The following STPG2 variants were observed in gnomAD, a reference collection of about 807,000 sequenced individuals.
STPG2 encodes the protein sperm-tail PG-rich repeat-containing protein 2.
A neutral mutation model predicts 54.2 loss-of-function variants in STPG2; 56 were observed. The observed-to-expected ratio is 1.03, with a 90% confidence interval of 0.83 to 1.29. The LOEUF is 1.29. STPG2 is among the 50% of genes most tolerant of loss of function. The probability of loss-of-function intolerance (pLI) is 0.00; values close to 1 mark genes in which losing one functional copy is unlikely to be tolerated. For missense variants in STPG2, 596 were observed against 544.9 expected (o/e 1.09, Z -0.93); for synonymous variants, 200 against 181.8 (o/e 1.10, Z -0.81).
At chr4:97,716,051 A>T (rs1290563006) in intron 9 of STPG2, among the ~76,000 whole-genome samples, 1 of 152,222 alleles carries the variant, frequency 6.6e-6, no homozygotes. Flanking sequence ...GACACTTCTC[A>T]AAAGAAGACA....
intron 6 of STPG2, among the ~76,000 whole-genome samples, chr4:97,980,703 T>G (rs1213940555): frequency 6.6e-6 from 1 of 152,210 alleles, no homozygotes; most frequent in Admixed American, 6.5e-5. Flanking sequence ...GAACTGTATG[T>G]CAGCAATTTT....
intron 2 of STPG2, among the ~76,000 whole-genome samples, chr4:98,130,806 C>A (rs1251783326): frequency 1.3e-5 from 2 of 151,224 alleles, no homozygotes; most frequent in Non-Finnish European, 2.9e-5. Context: ...CCTGTAGTCC[C>A]AGCTACTCAA....
rs370582221 is a variant in STPG2 at position 97,856,435 on chromosome 4, G to A, written c.1045-15503C>T. Among the ~76,000 whole-genome samples the A allele has an allele frequency of 2.5e-4, 38 of 152,228 alleles. 1 individual carries two copies. The South Asian group carries it at 7.5e-3, about 30-fold the overall frequency. Reference sequence around the variant, plus strand: ...CCCTTTGTAACAATTGTGAATAGGAGCTTACACATGATTTGGCTCTCAGCT... The same window carrying A: ...CCCTTTGTAACAATTGTGAATAGGAACTTACACATGATTTGGCTCTCAGCT... On this transcript the variant is annotated intron_variant, in intron 8 of 10. Transcript: ENST00000295268.
At chr4:97,611,772 G>T (rs1733735225) in intron 10 of STPG2, among the ~76,000 whole-genome samples, 2 of 151,452 alleles carry the variant, frequency 1.3e-5, no homozygotes, top group Admixed American at 1.3e-4. Flanking sequence ...TTACCAAAAA[G>T]AAAATTAATT....
intron 10 of STPG2, among the ~76,000 whole-genome samples, chr4:97,695,952 G>C (rs1723557139): frequency 1.3e-5 from 2 of 151,902 alleles, no homozygotes; most frequent in Admixed American, 1.3e-4. Flanking sequence ...ATTCAATGCA[G>C]TTCCCATCAA....
At chr4:97,918,160 GAGAA>G (rs150609723) in intron 8 of STPG2, among the ~76,000 whole-genome samples, 9,239 of 152,168 alleles carry the variant, frequency 0.061, 361 homozygotes, top group Admixed American at 0.12. Context: ...TTATTAGACT[GAGAA>G]AGAAAAATTA....
intron 5 of STPG2, among the ~76,000 whole-genome samples, chr4:98,102,294 C>T (rs1033619342): frequency 6.6e-6 from 1 of 152,138 alleles, no homozygotes; most frequent in African/African-American, 2.4e-5. Context: ...TGGCCTGTAA[C>T]CCACATCCAG....
intron 10 of STPG2, among the ~76,000 whole-genome samples, chr4:97,690,946 A>G (rs2148988348): frequency 6.6e-6 from 1 of 152,320 alleles, no homozygotes; most frequent in East Asian, 1.9e-4. Flanking sequence ...CTAGGTCAAT[A>G]TCAATGACAG....
chr4:97,494,971 AT>A (rs1730576781), intron 4 of STPG2, among the ~76,000 whole-genome samples: 1 of 151,724 alleles, frequency 6.6e-6, no homozygotes, highest in African/African-American at 2.4e-5. Context: ...AAAAGAAAAA[AT>A]GATAATGTAA....
intron 8 of STPG2, among the ~76,000 whole-genome samples, chr4:97,938,080 G>A (rs1431650568): frequency 1.3e-5 from 2 of 152,254 alleles, no homozygotes; most frequent in East Asian, 3.9e-4. Flanking sequence ...CTAAGCCCCC[G>A]GCTGGAGTTG....
At chr4:98,021,504 G>T (rs1736191806) in intron 5 of STPG2, among the ~76,000 whole-genome samples, 1 of 152,072 alleles carries the variant, frequency 6.6e-6, no homozygotes, top group Admixed American at 6.6e-5. Flanking sequence ...TTGATTTGGG[G>T]TGGAGAGTTC....
chr4:97,496,237 A>G (rs1299953645), intron 4 of STPG2, among the ~76,000 whole-genome samples: 1 of 151,718 alleles, frequency 6.6e-6, no homozygotes, highest in Non-Finnish European at 1.5e-5. Context: ...AATAGCAAAA[A>G]TAACTTGCAA....
At chr4:98,114,136 AAAC>A (rs1739441090) in intron 3 of STPG2, among the ~76,000 whole-genome samples, 1 of 152,098 alleles carries the variant, frequency 6.6e-6, no homozygotes, top group Admixed American at 6.6e-5. Flanking sequence ...GAACCTAGCC[AAAC>A]AACACTTTCT....
At chr4:97,925,400 A>G (rs1306319620) in intron 8 of STPG2, among the ~76,000 whole-genome samples, 3 of 152,206 alleles carry the variant, frequency 2.0e-5, no homozygotes, top group Non-Finnish European at 4.4e-5. Flanking sequence ...AATTTATAAA[A>G]AGTTTAAAAT....
At chr4:98,123,497 T>A (rs1739743327) in intron 3 of STPG2, among the ~76,000 whole-genome samples, 1 of 152,186 alleles carries the variant, frequency 6.6e-6, no homozygotes, top group Non-Finnish European at 1.5e-5. Flanking sequence ...GTCGTGTGGT[T>A]TTGAGTGACT....
intron 4 of STPG2, among the ~76,000 whole-genome samples, chr4:97,513,308 C>CA (rs1731010932): frequency 1.3e-5 from 2 of 152,086 alleles, no homozygotes; most frequent in African/African-American, 4.8e-5. Flanking sequence ...AGAATCCCCT[C>CA]TAAATCCTGT....
rs189490437 is a variant in STPG2 at position 97,628,840 on chromosome 4, C to G, written c.1321-69723G>C. On this transcript the variant is annotated intron_variant, in intron 10 of 10. Transcript: ENST00000295268. Reference sequence around the variant, plus strand: ...TATTGATTTTTACAATATTGTCACTCATGGTCAATTTGACTCTAGATTAAC... The same window carrying G: ...TATTGATTTTTACAATATTGTCACTGATGGTCAATTTGACTCTAGATTAAC... Among the ~76,000 whole-genome samples the G allele has an allele frequency of 7.7e-3, 1,168 of 152,100 alleles. 15 individuals carry two copies. The highest frequency in any genetic ancestry group is 0.025 in the African/African-American group (1,033 of 41,536).
chr4:97,499,347 T>C (rs536111027), intron 4 of STPG2, among the ~76,000 whole-genome samples: 1 of 152,168 alleles, frequency 6.6e-6, no homozygotes, highest in Admixed American at 6.6e-5. Context: ...ATTTATTTTT[T>C]CATTGATTTA....
At chr4:98,074,424 C>T (rs540858901) in intron 5 of STPG2, among the ~76,000 whole-genome samples, 1 of 152,116 alleles carries the variant, frequency 6.6e-6, no homozygotes, top group East Asian at 1.9e-4. Flanking sequence ...TGTATTTATC[C>T]TGCTTAAAGT....
Sources: allele counts gnomAD v4.1 joint callset (sites outside exome capture counted in the v4.1 genomes callset), GRCh38; gene constraint gnomAD v4.1.1; transcripts MANE v1.5; gene names NCBI Gene and HGNC (gene_info 2026-07-23, HGNC 2026-07-21).